The following FTO variants were observed in gnomAD, a reference collection of about 807,000 sequenced individuals.
The protein encoded by FTO is alpha-ketoglutarate-dependent dioxygenase FTO.
In FTO, 47 loss-of-function variants were observed where a neutral mutation model predicts 63.9. The observed-to-expected ratio is 0.74, with a 90% CI of 0.58 to 0.94. The LOEUF is 0.94. Among genes scored for constraint, FTO ranks in the 40% least tolerant of loss-of-function variants. The pLI, the probability that FTO is intolerant of heterozygous loss-of-function variation, is 0.00. For synonymous variants in FTO, 207 were observed against 224.4 expected (o/e 0.92, Z 0.69); for missense variants, 562 against 618.1 (o/e 0.91, Z 0.96).
intron 8 of FTO, among the ~76,000 whole-genome samples, chr16:54,016,303 A>C (rs1383529670): frequency 6.7e-6 from 1 of 149,260 alleles, no homozygotes; most frequent in Non-Finnish European, 1.5e-5. Context: ...AAAAAAAAAA[A>C]AAAAAAAAAA....
At chr16:53,889,411 G>T (rs1036906564) in intron 7 of FTO, among the ~76,000 whole-genome samples, 2 of 152,198 alleles carry the variant, frequency 1.3e-5, no homozygotes, top group Admixed American at 1.3e-4. Flanking sequence ...GCACAGCAAG[G>T]TGGAAACTCA....
Position 53,796,051 on chromosome 16 carries a change from T to TTCA in FTO, c.46-14088_46-14087insCAT, listed in dbSNP as rs201399553. On this transcript the variant is annotated intron_variant, in intron 1 of 8. Transcript: ENST00000471389. ...TTGTTTTTTTTCTTTCTTTCTTTCTTTTTTTTTTTTTTTTGGAGACGGAGT... is the reference window on the plus strand; with the variant it reads ...TTGTTTTTTTTCTTTCTTTCTTTCTTTCATTTTTTTTTTTTTTGGAGACGGAGT... Among the ~76,000 whole-genome samples the TTCA allele has an allele frequency of 2.2e-5, 3 of 139,246 alleles. No individual in the cohort carries two copies. The East Asian group carries it at 6.1e-4, about 28-fold the overall frequency. 91.4% of individuals were successfully genotyped at this position (139,246 alleles called of 152,430 possible). A position where few individuals can be genotyped will look rare whatever the true frequency, so the allele number is the denominator to read the frequency against.
At chr16:53,973,669 T>G (rs1263340815) in intron 8 of FTO, among the ~76,000 whole-genome samples, 1 of 151,940 alleles carries the variant, frequency 6.6e-6, no homozygotes, top group Non-Finnish European at 1.5e-5. Context: ...GGTTTCAAAT[T>G]CAGTTGCCAA....
At chr16:54,041,205 T>C (rs1239037695) in intron 8 of FTO, among the ~76,000 whole-genome samples, 3 of 152,078 alleles carry the variant, frequency 2.0e-5, no homozygotes, top group Non-Finnish European at 2.9e-5. Context: ...TTCCTCATGG[T>C]GGGGACGCCT....
chr16:53,814,530 A>G (rs1363931478), intron 2 of FTO: 1 of 152,240 alleles, frequency 6.6e-6, no homozygotes. Flanking sequence ...TTTGTTTAAG[A>G]CTTATGTGCA....
At chr16:53,887,083 T>C (rs2081018830) in intron 6 of FTO, 1 of 152,224 alleles carries the variant, frequency 6.6e-6, no homozygotes, top group Non-Finnish European at 1.5e-5. Flanking sequence ...CTCATCTAAA[T>C]ATGTTGGGAT....
chr16:54,008,182 C>T (rs530743770), intron 8 of FTO, among the ~76,000 whole-genome samples: 1 of 152,262 alleles, frequency 6.6e-6, no homozygotes, highest in African/African-American at 2.4e-5. Context: ...TACGTCTAGA[C>T]CTGATCCAGT....
chr16:53,805,673 C>T (rs1276580395), intron 1 of FTO, among the ~76,000 whole-genome samples: 1 of 152,126 alleles, frequency 6.6e-6, no homozygotes, highest in Non-Finnish European at 1.5e-5. Flanking sequence ...TGGTCTCGAA[C>T]TCCTGAGCTC....
chr16:53,850,591 C>T (rs1410511409), intron 4 of FTO, among the ~76,000 whole-genome samples: 1 of 152,052 alleles, frequency 6.6e-6, no homozygotes, highest in East Asian at 1.9e-4. Flanking sequence ...GGTTTTTGCT[C>T]ATTTCTCTAT....
intron 8 of FTO, among the ~76,000 whole-genome samples, chr16:53,980,172 T>C (rs2083511449): frequency 6.6e-6 from 1 of 152,206 alleles, no homozygotes; most frequent in Admixed American, 6.5e-5. Context: ...ATGACTTTGC[T>C]CTTTTCTATT....
chr16:54,007,121 A>G (rs1442627479), intron 8 of FTO, among the ~76,000 whole-genome samples: 1 of 152,216 alleles, frequency 6.6e-6, no homozygotes, highest in South Asian at 2.1e-4. Flanking sequence ...TAAGGCCGAT[A>G]TGGTTTTGGG....
At chr16:53,762,796 CCTTA>C (rs759190577) in intron 1 of FTO, among the ~76,000 whole-genome samples, 4 of 152,070 alleles carry the variant, frequency 2.6e-5, no homozygotes, top group Non-Finnish European at 5.9e-5. Flanking sequence ...TAGACAGGAA[CCTTA>C]CTAAGAGTCA....
intron 8 of FTO, among the ~76,000 whole-genome samples, chr16:53,955,809 G>T (rs1203299815): frequency 6.6e-6 from 1 of 152,126 alleles, no homozygotes; most frequent in Admixed American, 6.5e-5. Flanking sequence ...GTGAATTGGG[G>T]AAGTCTTTAT....
intron 8 of FTO, among the ~76,000 whole-genome samples, chr16:54,054,805 A>C (rs190273904): frequency 6.6e-6 from 1 of 152,356 alleles, no homozygotes. Context: ...AAGGAGTGAA[A>C]GATATTTGTA....
intron 8 of FTO, among the ~76,000 whole-genome samples, chr16:54,011,496 A>T (rs1393652043): frequency 1.3e-5 from 2 of 152,140 alleles, no homozygotes; most frequent in Non-Finnish European, 2.9e-5. Flanking sequence ...CTTTTCCCAA[A>T]TAGCTGTAAC....
chr16:53,864,491 G>A (rs1226812120), intron 4 of FTO, among the ~76,000 whole-genome samples: 1 of 152,156 alleles, frequency 6.6e-6, no homozygotes, highest in Non-Finnish European at 1.5e-5. Flanking sequence ...CATTGCTTCT[G>A]TGGTCTTTTA....
rs1048556715 is a variant in FTO, at chr16:53,878,425, C to A, written c.976-1419C>A. Among the ~76,000 whole-genome samples the A allele has an allele frequency of 2.6e-5, 4 of 152,236 alleles. No homozygotes were observed. The South Asian group carries it at 8.3e-4, about 32-fold the overall frequency. ...GCTGCCTGCCCTTATGCACCCAGCA[C>A]TCTGGGATCTTCATATTAAAATACA... On this transcript the variant is annotated intron_variant, in intron 5 of 8. Coordinates refer to ENST00000471389, the MANE Select transcript of FTO (RefSeq NM_001080432.3).
intron 8 of FTO, among the ~76,000 whole-genome samples, chr16:53,964,786 A>G (rs1227361829): frequency 6.6e-6 from 1 of 152,244 alleles, no homozygotes; most frequent in Admixed American, 6.5e-5. Flanking sequence ...AACATTGTTA[A>G]GGCATATACT....
In FTO at chr16:54,094,552, AAGAAAAAGAACAGC is replaced by A. The variant is rs1599357649; in HGVS notation, c.1365-17208_1365-17195del. On this transcript the variant is annotated intron_variant, in intron 8 of 8. Coordinates refer to ENST00000471389, the MANE Select transcript of FTO (RefSeq NM_001080432.3). ...CTCAGCCTGAATTCACGGCACCAAA[AAGAAAAAGAACAGC>A]ATAAATTGGATGTGTGTTGAGTTCT... Among the ~76,000 whole-genome samples the A allele has an allele frequency of 2.0e-5, 3 of 152,354 alleles. No individual in the cohort carries two copies. The East Asian group carries it at 5.8e-4, about 29-fold the overall frequency.
Sources: allele counts gnomAD v4.1 joint callset (sites outside exome capture counted in the v4.1 genomes callset), GRCh38; gene constraint gnomAD v4.1.1; transcripts MANE v1.5; gene names NCBI Gene and HGNC (gene_info 2026-07-23, HGNC 2026-07-21).